LTN1: variants seen among roughly 807,000 people sequenced by gnomAD.
The protein encoded by LTN1 is listerin E3 ubiquitin protein ligase 1, also known as E3 ubiquitin-protein ligase listerin.
In LTN1, 88 loss-of-function variants were observed where a neutral mutation model predicts 201.2. That is an observed-to-expected ratio of 0.44 (90% CI 0.37 to 0.52). The LOEUF is 0.52. LTN1 is among the 20% of genes least tolerant of loss of function. The pLI, the probability that LTN1 is intolerant of heterozygous loss-of-function variation, is 0.00. For missense variants in LTN1, 1,752 were observed against 2,038.7 expected (o/e 0.86, Z 2.71); for synonymous variants, 645 against 713.5 (o/e 0.90, Z 1.53).
intron 4 of LTN1, among the ~76,000 whole-genome samples, chr21:28,982,758 G>A (rs2084668754): frequency 6.6e-6 from 1 of 152,194 alleles, no homozygotes; most frequent in South Asian, 2.1e-4. Flanking sequence ...CACAGAGGAA[G>A]GTATGAGGTT....
rs114562849 is a variant in LTN1 at position 28,954,309 on chromosome 21, C to T, written c.3080-933G>A. The stretch of plus-strand genomic sequence containing the variant: ...TTCCACAGAGCATATATTCCCCCTT[C>T]TAGTAACTGTGTTACAGCTGAGGGC... On this transcript the variant is annotated intron_variant, in intron 16 of 29. Transcript: ENST00000361371. Among the ~76,000 whole-genome samples the T allele has an allele frequency of 4.3e-3, 648 of 152,280 alleles. 2 individuals carry two copies. The highest frequency in any genetic ancestry group is 0.015 in the African/African-American group (610 of 41,572).
chr21:28,930,896 G>T (rs1021909393), intron 29 of LTN1, among the ~76,000 whole-genome samples: 1 of 152,104 alleles, frequency 6.6e-6, no homozygotes, highest in East Asian at 1.9e-4. Context: ...CTTCTTGAGT[G>T]GTAAAAGGTC....
chr21:28,964,751 C>T, intron 11 of LTN1: 1 of 1,549,992 alleles, frequency 6.5e-7, no homozygotes, highest in Non-Finnish European at 8.7e-7. Context: ...ATTTGCACTT[C>T]ACGGCAGGTA....
intron 6 of LTN1, among the ~76,000 whole-genome samples, chr21:28,977,123 C>T (rs1171229345): frequency 1.3e-5 from 2 of 152,114 alleles, no homozygotes; most frequent in Admixed American, 1.3e-4. Flanking sequence ...CATGTAATCC[C>T]AGCACTCTGG....
rs771527042 is a variant in LTN1 at position 28,944,589 on chromosome 21, CTTG to C, written c.3773_3775del (p.Thr1258del). 4 of 1,611,530 alleles carry C rather than the reference CTTG, an allele frequency of 2.5e-6. No individual in the cohort carries two copies. The highest frequency in any genetic ancestry group is 1.7e-5 in the Admixed American group (1 of 59,878). On this transcript the variant is annotated inframe_deletion, in exon 22 of 30. Transcript: ENST00000361371. ...AATAGAATACAATGCCTGATTCTCA[CTTG>C]TTGTCTGAAAAAACAATAAAAATGA... is the stretch of plus-strand genomic sequence containing the variant.
At chr21:28,955,161 G>C (rs568144917) in intron 16 of LTN1, among the ~76,000 whole-genome samples, 1 of 152,056 alleles carries the variant, frequency 6.6e-6, no homozygotes, top group Non-Finnish European at 1.5e-5. Flanking sequence ...CAGTTAGAAT[G>C]CCTCTTGTCA....
chr21:28,958,589 C>G, intron 13 of LTN1, 50 bp from the exon 14 acceptor site: 1 of 1,343,822 alleles, frequency 7.4e-7, no homozygotes, highest in Non-Finnish European at 1.0e-6. Flanking sequence ...AATTAACTCT[C>G]ATCAGCACAA....
intron 6 of LTN1, among the ~76,000 whole-genome samples, chr21:28,980,867 A>G (rs1037175341): frequency 6.6e-6 from 1 of 152,176 alleles, no homozygotes. Context: ...ACTTGCACAC[A>G]CCAATTTTAA....
In LTN1 at chr21:28,929,302, A is replaced by T. The variant is rs967492581; in HGVS notation, c.*1146T>A. Reference sequence around the variant, plus strand: ...CCTAGATATTAGATATGCTATTTCCATGTAATGGAAGACTGCAATAAAATT... The same window carrying T: ...CCTAGATATTAGATATGCTATTTCCTTGTAATGGAAGACTGCAATAAAATT... On this transcript the variant is annotated 3_prime_UTR_variant, in exon 30 of 30. Coordinates refer to ENST00000361371, the MANE Select transcript of LTN1 (RefSeq NM_015565.3). 1 of 152,596 alleles carries T rather than the reference A, an allele frequency of 6.6e-6. No individual in the cohort carries two copies. Among genetic ancestry groups the T allele is most frequent in the Non-Finnish European group, 1.5e-5 (1 of 68,000 alleles). The allele number at this position is 152,596 out of a possible 1,614,324, so 9.5% of individuals were successfully genotyped here.
At chr21:28,941,428 C>A (rs1265841662) in intron 24 of LTN1, 22 bp from the exon 25 acceptor site, 2 of 1,548,958 alleles carry the variant, frequency 1.3e-6, no homozygotes, top group African/African-American at 2.8e-5. Context: ...TGATTAAACA[C>A]CACAAGTTTT....
chr21:28,975,571 A>G (rs757722485), intron 6 of LTN1, among the ~76,000 whole-genome samples: 17 of 152,320 alleles, frequency 1.1e-4, no homozygotes, highest in Non-Finnish European at 2.4e-4. Context: ...GTAGCCATAG[A>G]TAATACATAA....
chr21:28,981,335 TA>T (rs2084657239), intron 5 of LTN1, 36 bp from the exon 6 acceptor site: 3 of 1,181,274 alleles, frequency 2.5e-6, no homozygotes, highest in Non-Finnish European at 3.4e-6. Context: ...TTTAAAAATT[TA>T]GAATTAGCCA....
intron 6 of LTN1, among the ~76,000 whole-genome samples, chr21:28,979,896 C>T (rs1414831546): frequency 6.6e-6 from 1 of 152,126 alleles, no homozygotes; most frequent in Non-Finnish European, 1.5e-5. Context: ...CACTCAAACC[C>T]AGGAGGCAGA....
chr21:28,969,470 T>A lies in LTN1; in HGVS notation c.1307A>T (p.Asp436Val). Residue 436 changes from aspartate (D) to valine (V), a missense_variant, in exon 9 of 30, where the codon GAT becomes GTT. Around this residue, in one of 3 missense-constraint regions of LTN1, gnomAD observed 1,211 missense variants for 1,312.8 expected, o/e 0.92. Coordinates refer to ENST00000361371, the MANE Select transcript of LTN1 (RefSeq NM_015565.3). ...EEEIEQMLVNDQLIPFIDAVL... is the reference protein window; with the variant it reads ...EEEIEQMLVNVQLIPFIDAVL... ...CGACTTTTACATTATAGATACCTGA[T>A]CATTGACGAGCATCTGTTCAATCTC... The A allele has an allele frequency of 6.2e-7, 1 of 1,608,832 alleles. No individual in the cohort carries two copies. Among genetic ancestry groups the A allele is most frequent in the Non-Finnish European group, 8.5e-7 (1 of 1,178,572 alleles).
chr21:28,965,911 A>G lies in LTN1; in HGVS notation c.2122-5T>C. 2 of 1,523,094 alleles carry G rather than the reference A, an allele frequency of 1.3e-6. No individual in the cohort carries two copies. Among genetic ancestry groups the G allele is most frequent in the Non-Finnish European group, 1.8e-6 (2 of 1,112,220 alleles). 94.3% of individuals were successfully genotyped at this position (1,523,094 alleles called of 1,614,324 possible). A position where few individuals can be genotyped will look rare whatever the true frequency, so the allele number is the denominator to read the frequency against. ...AGAATTCCATTTCAAGTCCACCTGA[A>G]AAAAGAAAAAGAGTTAGAAACAATC... On this transcript the variant is annotated splice_region_variant and splice_polypyrimidine_tract_variant and intron_variant, in intron 10 of 29. Transcript: ENST00000361371.
At chr21:28,971,171 G>T in intron 7 of LTN1, 100 bp downstream of exon 7, 1 of 973,858 alleles carries the variant, frequency 1.0e-6, no homozygotes, top group Non-Finnish European at 1.5e-6. Flanking sequence ...GCCAAGTTTA[G>T]ATTATTTTAT....
intron 7 of LTN1, 84 bp from the exon 8 acceptor site, chr21:28,970,826 A>G: frequency 9.4e-7 from 1 of 1,065,782 alleles, no homozygotes; most frequent in East Asian, 2.7e-5. Flanking sequence ...TAGGCTCTCA[A>G]AAAGAAAAAC....
intron 13 of LTN1, 93 bp downstream of exon 13, chr21:28,959,365 T>G (rs992417172): frequency 4.2e-6 from 6 of 1,442,280 alleles, no homozygotes; most frequent in Non-Finnish European, 4.7e-6. Context: ...TCAAACACAT[T>G]ATAATTCAAT....
In LTN1 at chr21:28,975,733, G is replaced by T. The variant is rs771514762; in HGVS notation, c.811-4289C>A. ...TAAAACGGCTGACAATATGAAACATGAGGATATGGAGCAACTAAAAATCTC... is the reference window on the plus strand; with the variant it reads ...TAAAACGGCTGACAATATGAAACATTAGGATATGGAGCAACTAAAAATCTC... On this transcript the variant is annotated intron_variant, in intron 6 of 29. Transcript: ENST00000361371. 3.3e-5 allele frequency among the ~76,000 whole-genome samples: 5 copies of T among 152,304 alleles called. No individual in the cohort carries two copies. The South Asian group carries it at 8.3e-4, about 25-fold the overall frequency.
Sources: allele counts gnomAD v4.1 joint callset (sites outside exome capture counted in the v4.1 genomes callset), GRCh38; gene constraint gnomAD v4.1.1; regional missense constraint gnomAD v4.1.1; transcripts MANE v1.5; gene names NCBI Gene and HGNC (gene_info 2026-07-23, HGNC 2026-07-21).